The following SLC25A44 variants were observed in gnomAD, a reference collection of about 807,000 sequenced individuals.
The protein encoded by SLC25A44 is solute carrier family 25, member 44.
A neutral mutation model predicts 29.9 loss-of-function variants in SLC25A44; 17 were observed. The ratio of observed to expected loss-of-function variants is 0.57; its 90% CI spans 0.39 to 0.85. The LOEUF is 0.85. Among genes scored for constraint, SLC25A44 ranks in the 40% least tolerant of loss-of-function variants. The probability of loss-of-function intolerance (pLI) is 0.00; values close to 1 mark genes in which losing one functional copy is unlikely to be tolerated. For missense variants in SLC25A44, 302 were observed against 398.4 expected, an observed-to-expected ratio of 0.76 and a Z score of 2.06; for synonymous variants, 140 against 151.8, an observed-to-expected ratio of 0.92 and a Z score of 0.57.
intron 2 of SLC25A44, among the ~76,000 whole-genome samples, chr1:156,203,071 T>C (rs1413493492): frequency 6.6e-6 from 1 of 152,240 alleles, no homozygotes; most frequent in African/African-American, 2.4e-5. Context: ...CCATGGTCTA[T>C]ACATCTCTAT....
chr1:156,200,544 C>T, intron 2 of SLC25A44, 72 bp downstream of exon 2: 1 of 1,387,656 alleles, frequency 7.2e-7, no homozygotes, highest in South Asian at 1.3e-5. Context: ...TTGCTTTGTG[C>T]ATGTTAGAGT....
rs1657072156 is a variant in SLC25A44 at position 156,208,078 on chromosome 1, C to G, written c.753+65C>G. ...CCATTAGAAGCATGACCTTCAAGCC[C>G]TCCAGTGTTGCCCTGACCTCTTTGT... On this transcript the variant is annotated intron_variant, in intron 3 of 3. Coordinates refer to ENST00000359511, the MANE Select transcript of SLC25A44 (RefSeq NM_014655.4). 7.5e-6 allele frequency: 11 copies of G among 1,469,564 alleles called. No homozygotes were observed. The Middle Eastern group carries it at 5.3e-4, about 71-fold the overall frequency. 91.0% of individuals were successfully genotyped at this position (1,469,564 alleles called of 1,614,324 possible).
chr1:156,202,148 A>T (rs947918220), intron 2 of SLC25A44, among the ~76,000 whole-genome samples: 4 of 152,102 alleles, frequency 2.6e-5, no homozygotes, highest in African/African-American at 9.7e-5. Context: ...TCTTGTCCCC[A>T]TGTCTAGTCC....
chr1:156,203,894 T>C (rs2266514), intron 2 of SLC25A44, among the ~76,000 whole-genome samples: 62,304 of 150,886 alleles, frequency 0.41, 14,349 homozygotes, highest in African/African-American at 0.63. Context: ...TTAGTAGAGA[T>C]GGGGTTTCAC....
chr1:156,197,838 C>T (rs1218341286), intron 1 of SLC25A44: 2 of 152,214 alleles, frequency 1.3e-5, no homozygotes, highest in African/African-American at 4.8e-5. Context: ...TACCTTGAAG[C>T]TAAGGTTTCC....
chr1:156,200,618 T>C, intron 2 of SLC25A44, 146 bp downstream of exon 2: 1 of 777,470 alleles, frequency 1.3e-6, no homozygotes, highest in Non-Finnish European at 2.0e-6. Context: ...CAGGAGGATT[T>C]AAAGATGCAT....
intron 2 of SLC25A44, among the ~76,000 whole-genome samples, chr1:156,205,334 G>A (rs1656870532): frequency 6.6e-6 from 1 of 152,072 alleles, no homozygotes; most frequent in African/African-American, 2.4e-5. Flanking sequence ...GAGCCACCAC[G>A]CCTGGCCGAG....
In SLC25A44 at chr1:156,200,388, G is replaced by A. The variant is rs751864061; in HGVS notation, c.541G>A (p.Gly181Ser). 36 of 1,613,898 alleles carry A rather than the reference G, an allele frequency of 2.2e-5. No individual in the cohort carries two copies. Among genetic ancestry groups the A allele is most frequent in the Non-Finnish European group, 2.6e-5 (31 of 1,180,032 alleles). Residue 181 changes from glycine to serine, a missense_variant, in exon 2 of 4, where the codon GGC becomes AGC. Transcript: ENST00000359511. ...RQILQADGLRGFYRGYVASLL... is the reference protein window; with the variant it reads ...RQILQADGLRSFYRGYVASLL... ...GATCCTGCAGGCTGATGGACTTCGC[G>A]GCTTCTATCGAGGCTATGTGGCTTC...
chr1:156,210,113 C>T, intron 3 of SLC25A44, 127 bp from the exon 4 acceptor site: 1 of 645,902 alleles, frequency 1.5e-6, no homozygotes, highest in Non-Finnish European at 2.7e-6. Flanking sequence ...TACCATCCCT[C>T]ACAAGCAGAA....
chr1:156,201,910 C>T (rs1656608452), intron 2 of SLC25A44, among the ~76,000 whole-genome samples: 1 of 152,214 alleles, frequency 6.6e-6, no homozygotes, highest in South Asian at 2.1e-4. Context: ...TGTCCATCAT[C>T]TCTACTTCCA....
chr1:156,207,933 C>T lies in SLC25A44; in HGVS notation c.673C>T (p.Gln225Ter). The T allele has an allele frequency of 6.2e-7, 1 of 1,614,042 alleles. No individual in the cohort carries two copies. Among genetic ancestry groups the T allele is most frequent in the Non-Finnish European group, 8.5e-7 (1 of 1,179,918 alleles). Residue 225 changes from glutamine (Q) to a stop codon, truncating the protein, a stop_gained, in exon 3 of 4, where the codon CAA becomes TAA. Coordinates refer to ENST00000359511, the MANE Select transcript of SLC25A44 (RefSeq NM_014655.4). LOFTEE classifies it high-confidence loss of function. ...TAAGGAGTGCCCTCACATTGTCTTT[C>T]AAGCTGTCTCGGGGCCCCTGGCTGC... ...CPKECPHIVFQAVSGPLAAAT... is the reference protein window; with the variant it reads ...CPKECPHIVF
At chr1:156,200,748 G>C (rs1404172326) in intron 2 of SLC25A44, among the ~76,000 whole-genome samples, 2 of 152,118 alleles carry the variant, frequency 1.3e-5, no homozygotes, top group Non-Finnish European at 2.9e-5. Flanking sequence ...GGAAGGTGGG[G>C]GAGGACAAAA....
intron 2 of SLC25A44, among the ~76,000 whole-genome samples, chr1:156,205,646 A>G (rs1486821100): frequency 6.6e-6 from 1 of 152,190 alleles, no homozygotes; most frequent in Non-Finnish European, 1.5e-5. Flanking sequence ...GTCTCAGAAA[A>G]TAAAAAATAA....
Position 156,207,867 on chromosome 1 carries a change from G to A in SLC25A44, c.626-19G>A, listed in dbSNP as rs1360362130. On this transcript the variant is annotated intron_variant, in intron 2 of 3. Transcript: ENST00000359511. ...GTGGTGCTTTGTGTCTTTAGCCATT[G>A]TCTTTCCCTGGATTCCAGAGCAGCT... The A allele has an allele frequency of 1.9e-6, 3 of 1,613,612 alleles. No homozygotes were observed. In the Admixed American group the frequency reaches 5.0e-5, roughly 27 times the overall value.
In SLC25A44 at chr1:156,210,258, A is replaced by G; in HGVS notation, c.772A>G (p.Ile258Val). The change falls in exon 4 of 4, where the codon ATC becomes GTC. Residue 258 changes from isoleucine to valine, a missense_variant. Transcript: ENST00000359511. The part of the protein sequence containing the change: ...TRVQVEGKNS[I>V]ILTFRQLMAE... ...TTTCCAGGTTGAGGGCAAGAACTCC[A>G]TCATCCTGACCTTCAGACAGCTGAT... 2 of 1,559,714 alleles carry G rather than the reference A, an allele frequency of 1.3e-6. No homozygotes were observed. Among genetic ancestry groups the G allele is most frequent in the Non-Finnish European group, 1.7e-6 (2 of 1,153,486 alleles).
intron 2 of SLC25A44, among the ~76,000 whole-genome samples, chr1:156,203,255 C>T (rs985129799): frequency 2.6e-5 from 4 of 152,230 alleles, no homozygotes; most frequent in Admixed American, 2.6e-4. Flanking sequence ...TTGGCTCCTT[C>T]TCATGCTTCA....
intron 1 of SLC25A44, 163 bp from the exon 2 acceptor site, chr1:156,199,672 C>T: frequency 1.6e-6 from 1 of 615,362 alleles, no homozygotes; most frequent in South Asian, 2.0e-5. Flanking sequence ...AAAGAAGACT[C>T]AAGTGGGGAT....
rs1657238280 is a variant in SLC25A44, at chr1:156,210,625, C to T, written c.*194C>T. ...GGCTCCACGCCTGGATCCCTTGCCC[C>T]CACTATTTAAAATTCTCTTCTGAGC... On this transcript the variant is annotated 3_prime_UTR_variant, in exon 4 of 4. Coordinates refer to ENST00000359511, the MANE Select transcript of SLC25A44 (RefSeq NM_014655.4). The T allele has an allele frequency of 5.0e-6, 2 of 402,920 alleles. No individual in the cohort carries two copies. Among genetic ancestry groups the T allele is most frequent in the Non-Finnish European group, 8.8e-6 (2 of 226,488 alleles). The allele number at this position is 402,920 out of a possible 1,614,324, so 25.0% of individuals were successfully genotyped here.
At chr1:156,195,533 T>TACTGCCGCA (rs1232084132) in intron 1 of SLC25A44, among the ~76,000 whole-genome samples, 1 of 152,198 alleles carries the variant, frequency 6.6e-6, no homozygotes, top group Non-Finnish European at 1.5e-5. Context: ...GTTGCGGCAG[T>TACTGCCGCA]ACCGGGAGCC....
Sources: gnomAD v4.1 joint callset for allele counts (sites outside exome capture counted in the v4.1 genomes callset) on GRCh38, gnomAD v4.1.1 for gene constraint, MANE v1.5 for transcripts, NCBI Gene and HGNC (gene_info 2026-07-23, HGNC 2026-07-21) for gene names.